ASH2L: variants seen among roughly 807,000 people sequenced by gnomAD.
The protein encoded by ASH2L is set1/Ash2 histone methyltransferase complex subunit ASH2.
A neutral mutation model predicts 81.1 loss-of-function variants in ASH2L; 30 were observed. That is an observed-to-expected ratio of 0.37 (90% CI 0.28 to 0.50). The LOEUF (loss-of-function observed/expected upper bound fraction) is 0.50. ASH2L is among the 20% of genes least tolerant of loss of function. The probability of loss-of-function intolerance (pLI) is 0.95; values close to 1 mark genes in which losing one functional copy is unlikely to be tolerated. For missense variants in ASH2L, 559 were observed against 792.1 expected, an observed-to-expected ratio of 0.71 and a Z score of 3.53; for synonymous variants, 273 against 279.9, an observed-to-expected ratio of 0.98 and a Z score of 0.24.
chr8:38,137,418 C>T (rs1236497579), intron 14 of ASH2L: 1 of 149,116 alleles, frequency 6.7e-6, no homozygotes, highest in Non-Finnish European at 1.5e-5. Flanking sequence ...AAAAAAAAAG[C>T]TGGGCCTGGT....
chr8:38,105,547 C>T lies in ASH2L; in HGVS notation c.-4C>T. On this transcript the variant is annotated 5_prime_UTR_variant, in exon 1 of 16. Transcript: ENST00000343823. ...TTCTCGCGAGAAGTCCAGGGGTGGC[C>T]GTGATGGCGGCGGCAGGAGCAGGAC... 1.3e-6 allele frequency: 2 copies of T among 1,559,982 alleles called. No homozygotes were observed. The highest frequency in any genetic ancestry group is 1.7e-6 in the Non-Finnish European group (2 of 1,151,420).
intron 3 of ASH2L, among the ~76,000 whole-genome samples, chr8:38,108,503 CAG>C (rs1449365047): frequency 7.5e-6 from 1 of 132,516 alleles, no homozygotes; most frequent in East Asian, 2.2e-4. Context: ...TAGATCCTAT[CAG>C]TGGTATCAAG....
At chr8:38,119,857 G>A (rs1811065420) in intron 9 of ASH2L, among the ~76,000 whole-genome samples, 2 of 152,110 alleles carry the variant, frequency 1.3e-5, no homozygotes, top group Admixed American at 1.3e-4. Context: ...GGTGGGTCAT[G>A]CCTGTAATCC....
In ASH2L at chr8:38,128,156, C is replaced by T. The variant is rs2130553456; in HGVS notation, c.1166-135C>T. 8 of 1,051,080 alleles carry T rather than the reference C, an allele frequency of 7.6e-6. No individual in the cohort carries two copies. The South Asian group carries it at 8.9e-5, about 12-fold the overall frequency. The allele number at this position is 1,051,080 out of a possible 1,614,324, so 65.1% of individuals were successfully genotyped here. On this transcript the variant is annotated intron_variant, in intron 10 of 15. Coordinates refer to ENST00000343823, the MANE Select transcript of ASH2L (RefSeq NM_004674.5). ...ATCTTATGCTGAGATTTTTAAACTCCTCAACTAATATTTCAAACACCTGAC... is the reference window on the plus strand; with the variant it reads ...ATCTTATGCTGAGATTTTTAAACTCTTCAACTAATATTTCAAACACCTGAC...
chr8:38,110,871 G>C (rs1315387305), intron 5 of ASH2L, 38 bp downstream of exon 5: 1 of 1,536,110 alleles, frequency 6.5e-7, no homozygotes, highest in Non-Finnish European at 9.0e-7. Context: ...TTATATTGAA[G>C]AGTTAGGTGG....
intron 10 of ASH2L, among the ~76,000 whole-genome samples, chr8:38,125,375 C>T (rs1186700463): frequency 2.0e-5 from 3 of 152,126 alleles, no homozygotes; most frequent in African/African-American, 7.2e-5. Context: ...AATCCCAGCA[C>T]TTTGGGAGGC....
intron 14 of ASH2L, among the ~76,000 whole-genome samples, chr8:38,137,267 C>T (rs1286330188): frequency 6.6e-6 from 1 of 151,128 alleles, no homozygotes; most frequent in Non-Finnish European, 1.5e-5. Context: ...CGGGCATCGG[C>T]CGGGTGTGGC....
At chr8:38,136,114 T>C (rs868463363) in intron 14 of ASH2L, among the ~76,000 whole-genome samples, 4,363 of 144,444 alleles carry the variant, frequency 0.03, 229 homozygotes, top group East Asian at 0.22. Context: ...TTTTTTTTTT[T>C]TTTTTTTTTT....
chr8:38,138,866 T>G lies in ASH2L; in HGVS notation c.1770T>G (p.Thr590=), dbSNP rs756313136. 3.1e-6 allele frequency: 5 copies of G among 1,614,170 alleles called. No homozygotes were observed. Among genetic ancestry groups the G allele is most frequent in the Admixed American group, 1.7e-5 (1 of 60,012 alleles). ...PCFKYPPKDL[T]YRPMSDMGWG... is the part of the protein sequence containing the mutation. ...TCAAGTATCCTCCGAAGGATCTCAC[T>G]TACCGCCCTGTGAGTAACATTACAA... Residue 590 remains threonine, a synonymous_variant, in exon 15 of 16, where the codon ACT becomes ACG. Transcript: ENST00000343823.
chr8:38,128,533 A>T (rs1342038731), intron 11 of ASH2L, 75 bp downstream of exon 11: 7 of 1,553,066 alleles, frequency 4.5e-6, no homozygotes, highest in Non-Finnish European at 6.1e-6. Flanking sequence ...TAAGGCTTCA[A>T]GGCTGTTGGG....
intron 9 of ASH2L, 104 bp from the exon 10 acceptor site, chr8:38,120,828 C>G: frequency 1.1e-6 from 1 of 891,914 alleles, no homozygotes; most frequent in Non-Finnish European, 1.8e-6. Flanking sequence ...TGTGAAGTTG[C>G]ATGTATTCTA....
intron 5 of ASH2L, among the ~76,000 whole-genome samples, chr8:38,113,265 C>A (rs1810759406): frequency 6.6e-6 from 1 of 152,070 alleles, no homozygotes; most frequent in Non-Finnish European, 1.5e-5. Context: ...CCACCACGCC[C>A]AGCTCTTGTT....
intron 1 of ASH2L, chr8:38,106,076 C>T (rs541367643): frequency 6.6e-7 from 1 of 1,524,538 alleles, no homozygotes; most frequent in African/African-American, 1.4e-5. Context: ...GTAACGGTCA[C>T]TCTGAAAACA....
intron 1 of ASH2L, 54 bp from the exon 2 acceptor site, chr8:38,106,324 C>A: frequency 6.5e-7 from 1 of 1,537,186 alleles, no homozygotes; most frequent in Non-Finnish European, 9.0e-7. Flanking sequence ...TGGGAATAGG[C>A]ATTTTGAGGT....
At chr8:38,111,003 C>T (rs1366659087) in intron 5 of ASH2L, among the ~76,000 whole-genome samples, 170 bp downstream of exon 5, 1 of 152,136 alleles carries the variant, frequency 6.6e-6, no homozygotes, top group Non-Finnish European at 1.5e-5. Context: ...GATGCGATCT[C>T]AGCTCAGTGC....
intron 1 of ASH2L, 68 bp from the exon 2 acceptor site, chr8:38,106,310 T>G: frequency 6.6e-7 from 1 of 1,503,828 alleles, no homozygotes; most frequent in Non-Finnish European, 9.3e-7. Flanking sequence ...TTGATCATCA[T>G]TTTTGGGAAT....
intron 13 of ASH2L, among the ~76,000 whole-genome samples, chr8:38,134,209 A>G (rs1210647914): frequency 6.6e-6 from 1 of 152,142 alleles, no homozygotes; most frequent in Non-Finnish European, 1.5e-5. Context: ...TCCTCTGCCT[A>G]GGAAAACCAG....
chr8:38,133,535 C>T lies in ASH2L; in HGVS notation c.1609C>T (p.Pro537Ser). Reference protein sequence around the residue: ...DKAEKSLKQTPHSEIIFYKNG... With the variant: ...DKAEKSLKQTSHSEIIFYKNG... The stretch of plus-strand genomic sequence containing the variant: ...AGCAGAGAAGAGCCTGAAGCAGACT[C>T]CCCATAGTGAGGTGAGTCATGGCCA... The change falls in exon 13 of 16, where the codon CCC becomes TCC. Residue 537 changes from proline to serine, a missense_variant. This residue lies in a region of ASH2L where 95 missense variants were observed against 130.7 expected (regional missense o/e 0.73). Transcript: ENST00000343823. 2.5e-6 allele frequency: 4 copies of T among 1,609,122 alleles called. No homozygotes were observed. Among genetic ancestry groups the T allele is most frequent in the Non-Finnish European group, 3.4e-6 (4 of 1,178,528 alleles).
chr8:38,116,998 G>A (rs1290140421), intron 8 of ASH2L, among the ~76,000 whole-genome samples: 2 of 152,186 alleles, frequency 1.3e-5, no homozygotes, highest in Non-Finnish European at 2.9e-5. Flanking sequence ...GTTTATATCT[G>A]TATCCTTATA....
Sources: gnomAD v4.1 joint callset for allele counts (sites outside exome capture counted in the v4.1 genomes callset) on GRCh38, gnomAD v4.1.1 for gene constraint, gnomAD v4.1.1 regional missense constraint, MANE v1.5 for transcripts, NCBI Gene and HGNC (gene_info 2026-07-23, HGNC 2026-07-21) for gene names.